Variants in ADGRV1 observed in about 807,000 individuals in gnomAD.
ADGRV1 encodes the protein adhesion G protein-coupled receptor V1, also known as G-protein coupled receptor 98.
Under a neutral mutation model 596.2 loss-of-function variants are expected in ADGRV1, and 359 were observed. That is an observed-to-expected ratio of 0.60 (90% CI 0.55 to 0.66). The LOEUF (loss-of-function observed/expected upper bound fraction) is 0.66. Among genes scored for constraint, ADGRV1 ranks in the 30% least tolerant of loss-of-function variants. The probability of loss-of-function intolerance (pLI) is 0.00; values close to 1 mark genes in which losing one functional copy is unlikely to be tolerated. For missense variants in ADGRV1, 7,274 were observed against 7,575.6 expected, an observed-to-expected ratio of 0.96 and a Z score of 1.48; for synonymous variants, 2,681 against 2,679.2, an observed-to-expected ratio of 1.00 and a Z score of -0.02.
intron 32 of ADGRV1, 109 bp downstream of exon 32, chr5:90,692,895 C>A: frequency 1.3e-6 from 1 of 770,482 alleles, no homozygotes. Flanking sequence ...TTTTCTATGC[C>A]ATAAATTATT....
At chr5:90,652,290 A>C (rs1768747178) in intron 18 of ADGRV1, 56 bp from the exon 19 acceptor site, 12 of 1,200,922 alleles carry the variant, frequency 1.0e-5, no homozygotes, top group Non-Finnish European at 1.4e-5. Flanking sequence ...TAACACAGGA[A>C]GCTCTCATTA....
intron 79 of ADGRV1, among the ~76,000 whole-genome samples, chr5:90,851,978 G>A (rs1273848429): frequency 2.0e-5 from 3 of 152,146 alleles, no homozygotes; most frequent in Non-Finnish European, 1.5e-5. Flanking sequence ...TCTGGTCAGG[G>A]TGTCTGCAGT....
intron 3 of ADGRV1, among the ~76,000 whole-genome samples, chr5:90,618,847 T>C (rs1321943593): frequency 6.6e-6 from 1 of 151,846 alleles, no homozygotes; most frequent in African/African-American, 2.4e-5. Flanking sequence ...AATTATACTA[T>C]CATATATTAT....
At chr5:90,765,468 C>A (rs899894029) in intron 59 of ADGRV1, among the ~76,000 whole-genome samples, 3 of 146,976 alleles carry the variant, frequency 2.0e-5, no homozygotes, top group African/African-American at 5.2e-5. Flanking sequence ...CACACACACA[C>A]ACAAACTCTA....
intron 85 of ADGRV1, among the ~76,000 whole-genome samples, chr5:91,054,071 TTGTGTG>T (rs769226492): frequency 1.5e-4 from 20 of 133,144 alleles, no homozygotes; most frequent in East Asian, 8.6e-4. Flanking sequence ...CTGTGTGTGT[TTGTGTG>T]TGTGTGTGTG....
intron 65 of ADGRV1, among the ~76,000 whole-genome samples, chr5:90,782,402 G>C (rs982839897): frequency 6.6e-6 from 1 of 151,998 alleles, no homozygotes; most frequent in Admixed American, 6.6e-5. Context: ...AATTTTTTCA[G>C]TTCATTGTTT....
At chr5:91,113,187 A>C (rs1324703635) in intron 87 of ADGRV1, among the ~76,000 whole-genome samples, 1 of 152,148 alleles carries the variant, frequency 6.6e-6, no homozygotes, top group Non-Finnish European at 1.5e-5. Flanking sequence ...TATGTACCAA[A>C]TGCCTTTAGG....
At chr5:91,060,787 T>C (rs954119352) in intron 85 of ADGRV1, among the ~76,000 whole-genome samples, 2 of 152,350 alleles carry the variant, frequency 1.3e-5, no homozygotes, top group African/African-American at 4.8e-5. Flanking sequence ...AAGTTTTTTC[T>C]TGGAGCATTT....
At position 90,642,900 on chromosome 5, in the gene ADGRV1, C is replaced by T. The variant is rs1393079124; in HGVS notation, c.2412C>T (p.Ser804=). 2 of 1,611,266 alleles carry T rather than the reference C, an allele frequency of 1.2e-6. No individual in the cohort carries two copies. Among genetic ancestry groups the T allele is most frequent in the Non-Finnish European group, 1.7e-6 (2 of 1,178,638 alleles). ...TCCACATCATCCGATCAAGGGGGTC[C>T]CTTGTTAAGCAGTTTCTACACTACC... ...VELHIIRSRG[S]LVKQFLHYRV... The change falls in exon 13 of 90, where the codon TCC becomes TCT. Residue 804 remains serine (S), a synonymous_variant. Coordinates refer to ENST00000405460, the MANE Select transcript of ADGRV1 (RefSeq NM_032119.4).
intron 83 of ADGRV1, among the ~76,000 whole-genome samples, chr5:90,884,158 G>A (rs1385091063): frequency 6.6e-6 from 1 of 152,146 alleles, no homozygotes; most frequent in Non-Finnish European, 1.5e-5. Context: ...ATAATTTGTT[G>A]TGGGGCACTG....
intron 1 of ADGRV1, among the ~76,000 whole-genome samples, chr5:90,599,418 A>G (rs1006816886): frequency 2.0e-5 from 3 of 152,190 alleles, no homozygotes; most frequent in African/African-American, 7.2e-5. Context: ...TGTTATTAAC[A>G]TTTTTATCAC....
At chr5:90,687,778 A>G (rs771814564) in intron 29 of ADGRV1, among the ~76,000 whole-genome samples, 70 of 152,274 alleles carry the variant, frequency 4.6e-4, no homozygotes, top group Non-Finnish European at 7.6e-4. Flanking sequence ...GAGCCAAATC[A>G]TGAGTGAACT....
intron 1 of ADGRV1, among the ~76,000 whole-genome samples, chr5:90,600,445 G>T (rs558117858): frequency 4.6e-5 from 7 of 152,206 alleles, no homozygotes; most frequent in African/African-American, 1.7e-4. Flanking sequence ...GGGAATGATG[G>T]TTTCCAGCTT....
At chr5:90,980,738 G>C (rs1257169472) in intron 84 of ADGRV1, among the ~76,000 whole-genome samples, 1 of 152,066 alleles carries the variant, frequency 6.6e-6, no homozygotes, top group African/African-American at 2.4e-5. Flanking sequence ...GTTCCACATT[G>C]GATAAACGCA....
At chr5:91,143,479 C>T (rs146926799) in intron 87 of ADGRV1, among the ~76,000 whole-genome samples, 6 of 152,268 alleles carry the variant, frequency 3.9e-5, no homozygotes, top group African/African-American at 7.2e-5. Flanking sequence ...TGCTCCTCTC[C>T]GCAGCTGGTC....
intron 85 of ADGRV1, among the ~76,000 whole-genome samples, chr5:90,989,553 C>T (rs1322348437): frequency 2.7e-5 from 4 of 146,090 alleles, no homozygotes; most frequent in African/African-American, 5.1e-5. Flanking sequence ...TGGTATGTTG[C>T]GTTGCCTCCT....
intron 50 of ADGRV1, among the ~76,000 whole-genome samples, chr5:90,735,907 ATGT>A: frequency 6.6e-6 from 1 of 152,236 alleles, no homozygotes; most frequent in South Asian, 2.1e-4. Context: ...TATATAAAAC[ATGT>A]TGTCAGCAAA....
intron 50 of ADGRV1, among the ~76,000 whole-genome samples, chr5:90,740,755 G>T (rs1008965764): frequency 1.3e-5 from 2 of 152,152 alleles, no homozygotes; most frequent in African/African-American, 4.8e-5. Context: ...CTGTGAATGG[G>T]CCCAGAATGT....
chr5:90,948,888 A>G (rs1469599822), intron 83 of ADGRV1, among the ~76,000 whole-genome samples: 2 of 152,142 alleles, frequency 1.3e-5, no homozygotes, highest in African/African-American at 4.8e-5. Context: ...TCATGAAGTC[A>G]GAAAATTGTA....
Sources: gnomAD v4.1 joint callset for allele counts (sites outside exome capture counted in the v4.1 genomes callset) on GRCh38, gnomAD v4.1.1 for gene constraint, MANE v1.5 for transcripts, NCBI Gene and HGNC (gene_info 2026-07-23, HGNC 2026-07-21) for gene names.